WAC: variants seen among roughly 807,000 people sequenced by gnomAD.
The protein encoded by WAC is WW domain containing adaptor with coiled-coil, also known as WW domain-containing adapter protein with coiled-coil.
Under a neutral mutation model 79.6 loss-of-function variants are expected in WAC, and 11 were observed. That is an observed-to-expected ratio of 0.14 (90% CI 0.09 to 0.23). The LOEUF (loss-of-function observed/expected upper bound fraction) is 0.23, where lower values mean the gene tolerates loss of function less well. WAC is among the 10% of genes least tolerant of loss of function. The pLI is 1.00. For synonymous variants in WAC, 304 were observed against 276.9 expected (o/e 1.10, Z -0.97); for missense variants, 728 against 773.5 (o/e 0.94, Z 0.70).
intron 6 of WAC, among the ~76,000 whole-genome samples, chr10:28,595,431 TTG>T (rs201397987): frequency 2.8e-5 from 4 of 141,108 alleles, no homozygotes; most frequent in Non-Finnish European, 4.8e-5. Flanking sequence ...TTTTTTTTTT[TTG>T]TGTTTTGTTT....
intron 12 of WAC, 141 bp downstream of exon 12, chr10:28,616,503 ATATTTGATATAT>A (rs1411362684): frequency 1.3e-6 from 1 of 777,064 alleles, no homozygotes; most frequent in Admixed American, 3.6e-5. Flanking sequence ...CATTTAAAAA[ATATTTGATATAT>A]AAGATAACTT....
chr10:28,562,529 C>T (rs1247282828), intron 3 of WAC, among the ~76,000 whole-genome samples: 2 of 152,048 alleles, frequency 1.3e-5, no homozygotes, highest in African/African-American at 2.4e-5. Context: ...TATGTATTGT[C>T]TTTGCACATA....
chr10:28,612,245 A>C (rs1048800441), intron 10 of WAC, among the ~76,000 whole-genome samples: 1 of 152,240 alleles, frequency 6.6e-6, no homozygotes, highest in Non-Finnish European at 1.5e-5. Context: ...ATGAATGAAC[A>C]TGTTTTCCAG....
chr10:28,544,317 T>C (rs991960293), intron 3 of WAC, among the ~76,000 whole-genome samples: 2 of 152,224 alleles, frequency 1.3e-5, no homozygotes, highest in African/African-American at 2.4e-5. Context: ...TAGTTTTCAT[T>C]TGGGGCTCAG....
chr10:28,552,867 TTGTC>T (rs1837761373), intron 3 of WAC, among the ~76,000 whole-genome samples: 1 of 94,962 alleles, frequency 1.1e-5, no homozygotes, highest in Non-Finnish European at 2.3e-5. Context: ...TTTTTTTTTT[TTGTC>T]TTCTTGGGTA....
rs1401085413 is a variant in WAC, at chr10:28,622,347, T to G, written c.*2741T>G. 1 of 142,952 alleles carries G rather than the reference T, an allele frequency of 7.0e-6. No homozygotes were observed. The highest frequency in any genetic ancestry group is 1.5e-5 in the Non-Finnish European group (1 of 67,036). The allele number at this position is 142,952 out of a possible 1,614,324, so 8.9% of individuals were successfully genotyped here. On this transcript the variant is annotated 3_prime_UTR_variant, in exon 14 of 14. Coordinates refer to ENST00000354911, the MANE Select transcript of WAC (RefSeq NM_016628.5). ...ATCTAGTTGGTTATGGATTTGAACATGTACCTTGGTTTAGATACTTTGAAA... is the reference window on the plus strand; with the variant it reads ...ATCTAGTTGGTTATGGATTTGAACAGGTACCTTGGTTTAGATACTTTGAAA...
In WAC at chr10:28,614,233, G is replaced by A. The variant is rs574024906; in HGVS notation, c.1438-334G>A. 1.8e-4 allele frequency among the ~76,000 whole-genome samples: 27 copies of A among 152,106 alleles called. 1 individual carries two copies. The East Asian group carries it at 5.2e-3, about 29-fold the overall frequency. Reference sequence around the variant, plus strand: ...CCATTCTCCTGCCTCAGCCTCCCGAGTAGCTGGGACTACAGGCGCCCGCCA... The same window carrying A: ...CCATTCTCCTGCCTCAGCCTCCCGAATAGCTGGGACTACAGGCGCCCGCCA... On this transcript the variant is annotated intron_variant, in intron 10 of 13. Coordinates refer to ENST00000354911, the MANE Select transcript of WAC (RefSeq NM_016628.5).
rs139209275 is a variant in WAC, at chr10:28,535,503, T to A, written c.79-59T>A. The A allele has an allele frequency of 4.7e-6, 7 of 1,478,344 alleles. No homozygotes were observed. The East Asian group carries it at 1.7e-4, about 35-fold the overall frequency. The allele number at this position is 1,478,344 out of a possible 1,614,324, so 91.6% of individuals were successfully genotyped here. A position where few individuals can be genotyped will look rare whatever the true frequency, so the allele number is the denominator to read the frequency against. ...TAATACACCAAAGTTTATGTTTAAA[T>A]TAGGGAGTTTAAGGTTTCAATTCTT... On this transcript the variant is annotated intron_variant, in intron 2 of 13. Transcript: ENST00000354911.
chr10:28,551,279 T>G (rs1837652745), intron 3 of WAC, among the ~76,000 whole-genome samples: 1 of 152,208 alleles, frequency 6.6e-6, no homozygotes. Context: ...CATTATGTTG[T>G]GATTTTATTC....
chr10:28,579,417 T>A (rs1277747746), intron 3 of WAC, among the ~76,000 whole-genome samples: 1 of 152,192 alleles, frequency 6.6e-6, no homozygotes, highest in East Asian at 1.9e-4. Context: ...GAATACTCAC[T>A]AGATTTGGGA....
At chr10:28,583,128 T>A (rs1393171948) in intron 3 of WAC, among the ~76,000 whole-genome samples, 1 of 152,096 alleles carries the variant, frequency 6.6e-6, no homozygotes, top group Non-Finnish European at 1.5e-5. Context: ...ATGATAAAGA[T>A]AAGGTTTTGT....
At chr10:28,585,528 A>G (rs1166434103) in intron 4 of WAC, among the ~76,000 whole-genome samples, 1 of 150,054 alleles carries the variant, frequency 6.7e-6, no homozygotes, top group Non-Finnish European at 1.5e-5. Context: ...GTGATGGGTC[A>G]TTTTCTTTTT....
chr10:28,569,094 A>G (rs1838806026), intron 3 of WAC, among the ~76,000 whole-genome samples: 1 of 152,228 alleles, frequency 6.6e-6, no homozygotes, highest in South Asian at 2.1e-4. Context: ...ATCCCCACAC[A>G]AAGTAGCATG....
intron 3 of WAC, among the ~76,000 whole-genome samples, chr10:28,571,082 C>G (rs773356087): frequency 1.6e-4 from 24 of 147,122 alleles, no homozygotes; most frequent in African/African-American, 5.3e-4. Flanking sequence ...TTGGCCTCTT[C>G]GAGTAGCTGG....
At chr10:28,538,552 A>T (rs1428970079) in intron 3 of WAC, among the ~76,000 whole-genome samples, 3 of 146,852 alleles carry the variant, frequency 2.0e-5, no homozygotes, top group Non-Finnish European at 3.0e-5. Context: ...ATTGCACTCC[A>T]GCCTGGGAGA....
chr10:28,589,956 C>G (rs919491483), intron 5 of WAC, 105 bp downstream of exon 5: 8 of 761,680 alleles, frequency 1.1e-5, no homozygotes, highest in Non-Finnish European at 2.1e-6. Context: ...ATAGTGCTGC[C>G]CATCTACACT....
intron 4 of WAC, chr10:28,588,816 C>G (rs371539316): frequency 6.6e-6 from 1 of 152,118 alleles, no homozygotes; most frequent in Middle Eastern, 3.4e-3. Flanking sequence ...TTATAATGTT[C>G]AAAAGAGTAA....
At chr10:28,543,266 A>G (rs1837161854) in intron 3 of WAC, among the ~76,000 whole-genome samples, 1 of 152,234 alleles carries the variant, frequency 6.6e-6, no homozygotes, top group African/African-American at 2.4e-5. Context: ...TGCAAACCAT[A>G]TGTGTACTTT....
At position 28,579,699 on chromosome 10, in the gene WAC, C is replaced by G. The variant is rs201187952; in HGVS notation, c.275-3700C>G. Among the ~76,000 whole-genome samples, 60 of 152,240 alleles carry G rather than the reference C, an allele frequency of 3.9e-4. No individual in the cohort carries two copies. The East Asian group carries it at 0.011, about 28-fold the overall frequency. The stretch of plus-strand genomic sequence containing the variant: ...GAAGGATGTGCACAATCAGTTTGTT[C>G]TTCTACTTGTGTATTACTTCAGTTT... On this transcript the variant is annotated intron_variant, in intron 3 of 13. Transcript: ENST00000354911.
Sources: allele counts gnomAD v4.1 joint callset (sites outside exome capture counted in the v4.1 genomes callset), GRCh38; gene constraint gnomAD v4.1.1; transcripts MANE v1.5; gene names NCBI Gene and HGNC (gene_info 2026-07-23, HGNC 2026-07-21).